The following SLC38A11 variants were observed in gnomAD, a reference collection of about 807,000 sequenced individuals.
The protein encoded by SLC38A11 is putative sodium-coupled neutral amino acid transporter 11.
A neutral mutation model predicts 49.4 loss-of-function variants in SLC38A11; 51 were observed. The observed-to-expected ratio is 1.03, with a 90% confidence interval of 0.83 to 1.30. The LOEUF (loss-of-function observed/expected upper bound fraction) is 1.30, where lower values mean the gene tolerates loss of function less well. Among genes scored for constraint, SLC38A11 ranks in the 50% most tolerant of loss-of-function variants. SLC38A11 has a pLI of 0.00. For synonymous variants in SLC38A11, 203 were observed against 192.9 expected (o/e 1.05, Z -0.43); for missense variants, 574 against 556.2 (o/e 1.03, Z -0.32).
intron 6 of SLC38A11, among the ~76,000 whole-genome samples, chr2:164,938,814 C>T (rs949028355): frequency 3.9e-5 from 6 of 152,080 alleles, no homozygotes; most frequent in South Asian, 2.1e-4. Flanking sequence ...TTTGGCATTA[C>T]GTAGACGTAG....
chr2:164,954,727 C>G lies in SLC38A11; in HGVS notation c.58G>C (p.Glu20Gln), dbSNP rs1184902930. ...IPPQRDLDDRETLVSEHEYKE... is the reference protein window; with the variant it reads ...IPPQRDLDDRQTLVSEHEYKE... ...TACTCATGTTCAGAAACAAGGGTTTCTCTGTCATCTAAATCTCTCTAATAG... is the reference window on the plus strand; with the variant it reads ...TACTCATGTTCAGAAACAAGGGTTTGTCTGTCATCTAAATCTCTCTAATAG... Residue 20 changes from glutamate (E) to glutamine (Q), a missense_variant, in exon 2 of 12, where the codon GAA (glutamate) becomes CAA (glutamine). Transcript: ENST00000685975. The G allele has an allele frequency of 1.3e-6, 2 of 1,525,586 alleles. No individual in the cohort carries two copies. Among genetic ancestry groups the G allele is most frequent in the Non-Finnish European group, 1.8e-6 (2 of 1,132,082 alleles). The allele number at this position is 1,525,586 out of a possible 1,614,324, so 94.5% of individuals were successfully genotyped here.
chr2:164,920,278 TA>T (rs57519342), intron 7 of SLC38A11, among the ~76,000 whole-genome samples: 41,769 of 133,802 alleles, frequency 0.31, 6,885 homozygotes, highest in African/African-American at 0.48. Flanking sequence ...AAGACTCCGT[TA>T]AAAAAAAAAA....
intron 11 of SLC38A11, among the ~76,000 whole-genome samples, chr2:164,906,075 T>C (rs1438079684): frequency 6.6e-6 from 1 of 152,088 alleles, no homozygotes; most frequent in Admixed American, 6.6e-5. Context: ...AAATGAGCAA[T>C]ATGTGTGCAC....
chr2:164,952,199 G>T (rs970870207), intron 3 of SLC38A11, among the ~76,000 whole-genome samples: 6 of 152,182 alleles, frequency 3.9e-5, no homozygotes, highest in Non-Finnish European at 8.8e-5. Flanking sequence ...TGATACAGAA[G>T]CAACTTATTG....
At chr2:164,917,999 G>T (rs1685918759) in intron 7 of SLC38A11, among the ~76,000 whole-genome samples, 1 of 151,632 alleles carries the variant, frequency 6.6e-6, no homozygotes, top group Non-Finnish European at 1.5e-5. Context: ...TAGGGAAAGA[G>T]AAGGAAACAG....
chr2:164,911,545 A>G (rs1158978338), intron 10 of SLC38A11, 91 bp downstream of exon 10: 12 of 543,192 alleles, frequency 2.2e-5, no homozygotes, highest in Non-Finnish European at 3.4e-5. Flanking sequence ...GCCCTTGGGA[A>G]TTTGCCAAAC....
At chr2:164,898,790 C>T in intron 11 of SLC38A11, 60 bp from the exon 12 acceptor site, 1 of 1,502,692 alleles carries the variant, frequency 6.7e-7, no homozygotes, top group East Asian at 2.3e-5. Context: ...CTTCGGACAG[C>T]TTTTAAAAGC....
At chr2:164,949,297 G>A (rs1688360650) in intron 3 of SLC38A11, among the ~76,000 whole-genome samples, 1 of 152,018 alleles carries the variant, frequency 6.6e-6, no homozygotes. Context: ...TGCCCAGGCT[G>A]GAGTGGAGTG....
intron 7 of SLC38A11, among the ~76,000 whole-genome samples, chr2:164,929,443 A>G (rs899351224): frequency 6.6e-6 from 1 of 152,126 alleles, no homozygotes; most frequent in African/African-American, 2.4e-5. Context: ...GTTATAGCCA[A>G]TCAGAACTAA....
intron 8 of SLC38A11, 167 bp downstream of exon 8, chr2:164,915,736 A>G: frequency 1.8e-6 from 1 of 562,066 alleles, no homozygotes; most frequent in South Asian, 3.7e-5. Flanking sequence ...GATGAGTGAG[A>G]AAAGTTTGAG....
intron 9 of SLC38A11, among the ~76,000 whole-genome samples, chr2:164,913,025 AT>A (rs975678199): frequency 1.3e-5 from 2 of 152,070 alleles, no homozygotes; most frequent in African/African-American, 4.8e-5. Flanking sequence ...TGAAAATTAA[AT>A]TTTTTTAAGA....
intron 5 of SLC38A11, among the ~76,000 whole-genome samples, chr2:164,942,089 G>A (rs940308085): frequency 6.6e-6 from 1 of 151,878 alleles, no homozygotes; most frequent in Admixed American, 6.6e-5. Context: ...CAAATAAATC[G>A]GCGCTACTTT....
chr2:164,925,386 CTA>C (rs1686501150), intron 7 of SLC38A11, among the ~76,000 whole-genome samples: 1 of 151,934 alleles, frequency 6.6e-6, no homozygotes, highest in Admixed American at 6.6e-5. Context: ...TGAATTTAAA[CTA>C]AAAATAAATG....
chr2:164,919,571 G>T (rs867447861), intron 7 of SLC38A11, among the ~76,000 whole-genome samples: 3 of 152,084 alleles, frequency 2.0e-5, no homozygotes, highest in Admixed American at 1.3e-4. Context: ...GGGAGGGATT[G>T]GTTCCAGGAC....
At chr2:164,907,270 CTTTTTT>C (rs60527900) in intron 11 of SLC38A11, among the ~76,000 whole-genome samples, 6 of 97,916 alleles carry the variant, frequency 6.1e-5, no homozygotes, top group East Asian at 3.5e-4. Context: ...CTTCTTTTCT[CTTTTTT>C]TTTTTTTTTT....
At chr2:164,920,461 T>C (rs1411610619) in intron 7 of SLC38A11, among the ~76,000 whole-genome samples, 1 of 152,112 alleles carries the variant, frequency 6.6e-6, no homozygotes, top group Non-Finnish European at 1.5e-5. Context: ...TTTTCTTTTT[T>C]CTAAGACCCC....
chr2:164,951,780 A>C (rs1442629573), intron 3 of SLC38A11, among the ~76,000 whole-genome samples: 4 of 152,112 alleles, frequency 2.6e-5, no homozygotes, highest in Non-Finnish European at 5.9e-5. Flanking sequence ...CAGGGGAAAG[A>C]GTTCAGCAAG....
chr2:164,908,586 T>A, intron 11 of SLC38A11, 54 bp downstream of exon 11: 1 of 1,426,788 alleles, frequency 7.0e-7, no homozygotes, highest in South Asian at 1.6e-5. Context: ...AATGTAATCA[T>A]TATCTTTTAA....
At chr2:164,916,542 G>T (rs928158252) in intron 7 of SLC38A11, among the ~76,000 whole-genome samples, 12 of 152,030 alleles carry the variant, frequency 7.9e-5, no homozygotes, top group African/African-American at 2.2e-4. Context: ...AACACATGAA[G>T]AAAATCAAGC....
Sources: allele counts gnomAD v4.1 joint callset (sites outside exome capture counted in the v4.1 genomes callset), GRCh38; gene constraint gnomAD v4.1.1; transcripts MANE v1.5; gene names NCBI Gene and HGNC (gene_info 2026-07-23, HGNC 2026-07-21).